The following C4orf17 variants were observed in gnomAD, a reference collection of about 807,000 sequenced individuals.
C4orf17 encodes uncharacterized protein C4orf17.
Under a neutral mutation model 32.0 loss-of-function variants are expected in C4orf17, and 25 were observed. The observed-to-expected ratio is 0.78, with a 90% CI of 0.57 to 1.09. The LOEUF is 1.09. Among genes scored for constraint, C4orf17 ranks in the 50% least tolerant of loss-of-function variants. The pLI is 0.00. For synonymous variants in C4orf17, 149 were observed against 145.8 expected, an observed-to-expected ratio of 1.02 and a Z score of -0.16; for missense variants, 420 against 420.0, an observed-to-expected ratio of 1.00 and a Z score of 0.00.
At chr4:99,515,812 T>C (rs1295857659) in intron 2 of C4orf17, among the ~76,000 whole-genome samples, 8 of 150,976 alleles carry the variant, frequency 5.3e-5, no homozygotes, top group Admixed American at 2.6e-4. Context: ...TAAAAAAAAG[T>C]CATGATACAA....
intron 5 of C4orf17, among the ~76,000 whole-genome samples, chr4:99,532,052 A>G (rs142508454): frequency 1.3e-4 from 20 of 152,224 alleles, no homozygotes; most frequent in African/African-American, 4.1e-4. Context: ...AGATCTTTAT[A>G]GACATAACAC....
intron 5 of C4orf17, among the ~76,000 whole-genome samples, chr4:99,534,912 T>G (rs1723536965): frequency 6.6e-6 from 1 of 152,164 alleles, no homozygotes; most frequent in South Asian, 2.1e-4. Context: ...AGTGCTTCCT[T>G]CAGGAGCAAG....
chr4:99,518,544 T>TATATAG (rs1393245676), intron 2 of C4orf17, among the ~76,000 whole-genome samples: 16 of 36,818 alleles, frequency 4.3e-4, no homozygotes, highest in East Asian at 7.5e-4. Context: ...TATATATATA[T>TATATAG]AGAGAGAGAG....
At chr4:99,523,037 T>C (rs1229108014) in intron 3 of C4orf17, among the ~76,000 whole-genome samples, 1 of 151,934 alleles carries the variant, frequency 6.6e-6, no homozygotes, top group East Asian at 1.9e-4. Context: ...CAGACGAAAA[T>C]CGAGTCCTGG....
chr4:99,518,935 T>C (rs748422075), intron 2 of C4orf17, among the ~76,000 whole-genome samples: 1 of 152,278 alleles, frequency 6.6e-6, no homozygotes, highest in African/African-American at 2.4e-5. Context: ...GATTTTCTTA[T>C]GGTATTTTTT....
intron 1 of C4orf17, among the ~76,000 whole-genome samples, chr4:99,512,558 G>A (rs978823521): frequency 5.3e-5 from 8 of 151,774 alleles, no homozygotes; most frequent in African/African-American, 1.7e-4. Flanking sequence ...TAAGATGCTG[G>A]GTTTTAAAAG....
chr4:99,517,527 A>T (rs970813229), intron 2 of C4orf17, among the ~76,000 whole-genome samples: 2 of 150,422 alleles, frequency 1.3e-5, no homozygotes, highest in Non-Finnish European at 3.0e-5. Flanking sequence ...ACAGCTAACC[A>T]CCCCTCCCTT....
At chr4:99,520,138 G>A (rs560247937) in intron 2 of C4orf17, among the ~76,000 whole-genome samples, 13 of 146,856 alleles carry the variant, frequency 8.9e-5, no homozygotes, top group African/African-American at 2.5e-4. Flanking sequence ...CACCCAGGCC[G>A]GACTGCAGTG....
chr4:99,514,626 A>G (rs1332698479), intron 2 of C4orf17, among the ~76,000 whole-genome samples: 2 of 152,160 alleles, frequency 1.3e-5, no homozygotes, highest in East Asian at 3.9e-4. Flanking sequence ...GGATATGGTG[A>G]AAAGGGAACA....
At chr4:99,511,459 C>T (rs984995216) in intron 1 of C4orf17, among the ~76,000 whole-genome samples, 187 bp downstream of exon 1, 6 of 151,376 alleles carry the variant, frequency 4.0e-5, no homozygotes, top group African/African-American at 1.5e-4. Context: ...TATCACTACC[C>T]TTTAATCTAA....
intron 5 of C4orf17, among the ~76,000 whole-genome samples, chr4:99,537,260 G>T (rs1003588854): frequency 6.6e-6 from 1 of 152,108 alleles, no homozygotes; most frequent in Non-Finnish European, 1.5e-5. Context: ...GCTGCTCAGG[G>T]CAAGCCGCAG....
chr4:99,522,588 G>C lies in C4orf17; in HGVS notation c.216G>C (p.Glu72Asp). The C allele has an allele frequency of 6.2e-7, 1 of 1,613,928 alleles. No homozygotes were observed. Among genetic ancestry groups the C allele is most frequent in the South Asian group, 1.1e-5 (1 of 91,078 alleles). The change falls in exon 3 of 9, where the codon GAG (glutamate) becomes GAC (aspartate). Residue 72 changes from glutamate to aspartate, a missense_variant. Coordinates refer to ENST00000326581, the MANE Select transcript of C4orf17 (RefSeq NM_032149.3). ...LWGVGQSNYL[E>D]KNRIPFANCS... is the part of the protein sequence containing the mutation. The stretch of plus-strand genomic sequence containing the variant: ...GAGTTGGCCAGTCTAACTACTTAGA[G>C]AAGAACAGGATACCATTTGCCAATT...
chr4:99,513,186 C>A lies in C4orf17; in HGVS notation c.105C>A (p.Pro35=). The A allele has an allele frequency of 6.2e-7, 1 of 1,613,884 alleles. No homozygotes were observed. The highest frequency in any genetic ancestry group is 8.5e-7 in the Non-Finnish European group (1 of 1,179,836). Residue 35 remains proline (P), a synonymous_variant, in exon 2 of 9, where the codon CCC becomes CCA. Transcript: ENST00000326581. ...TTCTAGTCAGGCACACCCCTCATCC[C>A]AGAAGAGTCTGCCACATCAAAGGTA... ...SCFLVRHTPH[P]RRVCHIKGLN...
At chr4:99,521,913 A>G (rs1204611819) in intron 2 of C4orf17, among the ~76,000 whole-genome samples, 2 of 152,204 alleles carry the variant, frequency 1.3e-5, no homozygotes, top group African/African-American at 2.4e-5. Context: ...TAGGAGAGAG[A>G]GTGAACCCAG....
Position 99,513,020 on chromosome 4 carries a change from A to G in C4orf17, c.-62A>G. The G allele has an allele frequency of 7.6e-6, 12 of 1,588,956 alleles. No individual in the cohort carries two copies. Among genetic ancestry groups the G allele is most frequent in the Non-Finnish European group, 1.0e-5 (12 of 1,160,634 alleles). On this transcript the variant is annotated 5_prime_UTR_variant, in exon 2 of 9. Coordinates refer to ENST00000326581, the MANE Select transcript of C4orf17 (RefSeq NM_032149.3). ...AGCACATCTGGAAGTGAGGTCAATC[A>G]AGTTAGACCCCAAAAACTTTTGTGA...
rs1474191211 is a variant in C4orf17, at chr4:99,522,685, A to G, written c.313A>G (p.Lys105Glu). 6.2e-7 allele frequency: 1 copy of G among 1,613,826 alleles called. No individual in the cohort carries two copies. The highest frequency in any genetic ancestry group is 1.7e-5 in the Admixed American group (1 of 60,006). ...RGMSPAPNGA[K>E]VPPRPHSEPS... ...AATGTCGCCAGCCCCAAACGGTGCC[A>G]AAGTGCCTCCACGGCCTCATTCTGG... Residue 105 changes from lysine (K) to glutamate (E), a missense_variant, in exon 3 of 9, where the codon AAA (lysine) becomes GAA (glutamate). By Grantham distance (56) the Lys-to-Glu change is moderately conservative (BLOSUM62 1). Coordinates refer to ENST00000326581, the MANE Select transcript of C4orf17 (RefSeq NM_032149.3).
At chr4:99,522,387 T>C in intron 2 of C4orf17, 113 bp from the exon 3 acceptor site, 1 of 825,282 alleles carries the variant, frequency 1.2e-6, no homozygotes. Context: ...TTCAACATTT[T>C]ACATACATTT....
chr4:99,525,697 G>A (rs1236377223), intron 4 of C4orf17, among the ~76,000 whole-genome samples: 1 of 152,100 alleles, frequency 6.6e-6, no homozygotes, highest in Non-Finnish European at 1.5e-5. Flanking sequence ...GGGAGGCTGA[G>A]GCAGGGGAAT....
chr4:99,516,287 C>T (rs1723179140), intron 2 of C4orf17, among the ~76,000 whole-genome samples: 1 of 152,216 alleles, frequency 6.6e-6, no homozygotes, highest in Non-Finnish European at 1.5e-5. Flanking sequence ...GGTATACATA[C>T]TGCATGTGTA....
Sources: allele counts gnomAD v4.1 joint callset (sites outside exome capture counted in the v4.1 genomes callset), GRCh38; gene constraint gnomAD v4.1.1; transcripts MANE v1.5; gene names NCBI Gene and HGNC (gene_info 2026-07-23, HGNC 2026-07-21).